Variants in SCML4 observed in about 807,000 individuals in gnomAD.
The protein encoded by SCML4 is Scm polycomb group protein like 4.
SCML4 carries 34 observed loss-of-function variants against 41.1 expected under a neutral mutation model. The observed-to-expected ratio is 0.83, with a 90% CI of 0.63 to 1.10. The LOEUF is 1.10. Among genes scored for constraint, SCML4 ranks in the 50% least tolerant of loss-of-function variants. SCML4 has a pLI of 0.00. For missense variants in SCML4, 522 were observed against 534.1 expected, an observed-to-expected ratio of 0.98 and a Z score of 0.22; for synonymous variants, 214 against 220.9, an observed-to-expected ratio of 0.97 and a Z score of 0.28.
At chr6:107,739,980 A>C in intron 5 of SCML4, 1 of 374,806 alleles carries the variant, frequency 2.7e-6, no homozygotes, top group Admixed American at 3.5e-5. Flanking sequence ...CTGCTGAGAA[A>C]TCAGTGCCAC....
chr6:107,777,623 C>G (rs1025442377), intron 1 of SCML4, among the ~76,000 whole-genome samples: 1 of 151,970 alleles, frequency 6.6e-6, no homozygotes, highest in Non-Finnish European at 1.5e-5. Flanking sequence ...ACAAAAGTAA[C>G]AAAAAGGCAA....
intron 7 of SCML4, among the ~76,000 whole-genome samples, chr6:107,706,206 C>T (rs973424000): frequency 4.6e-5 from 7 of 152,180 alleles, no homozygotes; most frequent in Admixed American, 2.6e-4. Flanking sequence ...GGCAAAATGG[C>T]AGTGGGCAAG....
At chr6:107,802,011 T>G (rs1318852216) in intron 1 of SCML4, among the ~76,000 whole-genome samples, 1 of 152,024 alleles carries the variant, frequency 6.6e-6, no homozygotes, top group East Asian at 1.9e-4. Flanking sequence ...AGCCTCATGA[T>G]CTGCCCGCCT....
chr6:107,764,904 G>A (rs1411863033), intron 2 of SCML4, among the ~76,000 whole-genome samples: 1 of 152,126 alleles, frequency 6.6e-6, no homozygotes, highest in Non-Finnish European at 1.5e-5. Context: ...TCTCTTATCT[G>A]CCACCATATA....
chr6:107,780,184 A>C (rs1004826808), intron 1 of SCML4, among the ~76,000 whole-genome samples: 2 of 152,208 alleles, frequency 1.3e-5, no homozygotes, highest in Non-Finnish European at 2.9e-5. Context: ...AAATCTTTGG[A>C]TAGAAATACA....
intron 5 of SCML4, among the ~76,000 whole-genome samples, chr6:107,739,276 T>G (rs894137183): frequency 2.0e-5 from 3 of 152,034 alleles, no homozygotes; most frequent in African/African-American, 7.2e-5. Context: ...TTTTACTTAT[T>G]TAGTCTCAGT....
chr6:107,736,971 A>C (rs1777134294), intron 5 of SCML4, among the ~76,000 whole-genome samples: 1 of 152,248 alleles, frequency 6.6e-6, no homozygotes, highest in Non-Finnish European at 1.5e-5. Flanking sequence ...TAAACCTTCA[A>C]AAGGCAGGAA....
At chr6:107,829,016 A>C (rs1240825786), upstream of SCML4, among the ~76,000 whole-genome samples, 2 of 152,254 alleles carry the variant, frequency 1.3e-5, no homozygotes, top group Non-Finnish European at 1.5e-5. Flanking sequence ...GTTCTTAATA[A>C]ATGTTTGCGA....
At chr6:107,823,491 C>G (rs1258885652) in intron 1 of SCML4, among the ~76,000 whole-genome samples, 1 of 152,166 alleles carries the variant, frequency 6.6e-6, no homozygotes, top group Non-Finnish European at 1.5e-5. Flanking sequence ...ACTCCATAGT[C>G]ACCAGTTTTT....
chr6:107,832,835 G>T, the SCML4 span, among the ~76,000 whole-genome samples: 9 of 152,190 alleles, frequency 5.9e-5, no homozygotes. Context: ...GTGACCTCCT[G>T]CCCTCTCAGA....
At chr6:107,773,087 C>T (rs1341162486) in intron 1 of SCML4, among the ~76,000 whole-genome samples, 1 of 152,026 alleles carries the variant, frequency 6.6e-6, no homozygotes, top group Non-Finnish European at 1.5e-5. Flanking sequence ...ACTTTTTGAA[C>T]AACATGATGT....
At chr6:107,791,709 T>G (rs1782344684) in intron 1 of SCML4, among the ~76,000 whole-genome samples, 2 of 152,292 alleles carry the variant, frequency 1.3e-5, no homozygotes, top group South Asian at 4.1e-4. Flanking sequence ...ATCCCAGCAC[T>G]TTGTGAAGCC....
chr6:107,717,127 G>C (rs62430575), intron 6 of SCML4, among the ~76,000 whole-genome samples: 2 of 125,398 alleles, frequency 1.6e-5, no homozygotes, highest in East Asian at 5.0e-4. Context: ...GTGAAACCCC[G>C]TCTCTACTAA....
intron 1 of SCML4, among the ~76,000 whole-genome samples, chr6:107,781,418 G>A (rs1053690385): frequency 3.3e-5 from 5 of 152,230 alleles, no homozygotes; most frequent in South Asian, 2.1e-4. Flanking sequence ...AGGCCGAGGC[G>A]GGTGGATTGC....
At chr6:107,769,409 G>A (rs1344128461) in intron 2 of SCML4, among the ~76,000 whole-genome samples, 1 of 152,198 alleles carries the variant, frequency 6.6e-6, no homozygotes, top group East Asian at 1.9e-4. Context: ...CACAGCCTGT[G>A]TTACATGTTC....
chr6:107,707,850 C>T lies in SCML4; in HGVS notation c.1119+16G>A. 1.3e-6 allele frequency: 2 copies of T among 1,551,708 alleles called. No homozygotes were observed. Among genetic ancestry groups the T allele is most frequent in the Non-Finnish European group, 8.7e-7 (1 of 1,147,006 alleles). On this transcript the variant is annotated intron_variant, in intron 7 of 7. Transcript: ENST00000369020. ...TCCCTCAATCCCCCCCAAGGTCAAA[C>T]CCACCACTCGCATACGTGCTTTCTG... is the stretch of plus-strand genomic sequence containing the variant.
rs532212451 is a variant in SCML4 at position 107,726,102 on chromosome 6, T to A, written c.683-5109A>T. On this transcript the variant is annotated intron_variant, in intron 5 of 7. Coordinates refer to ENST00000369020, the MANE Select transcript of SCML4 (RefSeq NM_198081.5). ...AAAAAAAAAAAAAAAAAAGACACCA[T>A]CAAGAAAGTGAAAGGACAACTCACA... is the stretch of plus-strand genomic sequence containing the variant. Among the ~76,000 whole-genome samples the A allele has an allele frequency of 4.8e-5, 7 of 144,408 alleles. No homozygotes were observed. In the South Asian group the frequency reaches 6.6e-4, roughly 14 times the overall value. The allele number at this position is 144,408 out of a possible 152,430, so 94.7% of individuals were successfully genotyped here. A position where few individuals can be genotyped will look rare whatever the true frequency, so the allele number is the denominator to read the frequency against.
At chr6:107,770,344 A>T (rs1780419408) in intron 2 of SCML4, among the ~76,000 whole-genome samples, 1 of 152,144 alleles carries the variant, frequency 6.6e-6, no homozygotes, top group Non-Finnish European at 1.5e-5. Context: ...CTTCATGAAG[A>T]CTTTCAAATG....
At chr6:107,802,622 G>GGAAGGAAA (rs1783251927) in intron 1 of SCML4, among the ~76,000 whole-genome samples, 1 of 142,852 alleles carries the variant, frequency 7.0e-6, no homozygotes, top group African/African-American at 2.7e-5. Flanking sequence ...AAGGAAGGAA[G>GGAAGGAAA]GAAGGAAGGA....
Sources: allele counts gnomAD v4.1 joint callset (sites outside exome capture counted in the v4.1 genomes callset), GRCh38; gene constraint gnomAD v4.1.1; transcripts MANE v1.5; gene names NCBI Gene and HGNC (gene_info 2026-07-23, HGNC 2026-07-21).